AFAP1L1: variants seen among roughly 807,000 people sequenced by gnomAD.
AFAP1L1 encodes actin filament associated protein 1 like 1, also known as actin filament-associated protein 1-like 1.
AFAP1L1 carries 77 observed loss-of-function variants against 99.8 expected under a neutral mutation model. The observed-to-expected ratio is 0.77, with a 90% confidence interval of 0.64 to 0.93. The LOEUF is 0.93. AFAP1L1 is among the 40% of genes least tolerant of loss of function. The pLI is 0.00. For synonymous variants in AFAP1L1, 373 were observed against 395.3 expected (o/e 0.94, Z 0.67); for missense variants, 893 against 996.8 (o/e 0.90, Z 1.40).
At position 149,332,864 on chromosome 5, in the gene AFAP1L1, C is replaced by T. The variant is rs752049767; in HGVS notation, c.2145C>T (p.Pro715=). The T allele has an allele frequency of 1.9e-6, 3 of 1,594,164 alleles. No individual in the cohort carries two copies. The highest frequency in any genetic ancestry group is 3.6e-5 in the Admixed American group (2 of 55,784). ...TGGGGCTCTCCGTGAGCAGCAAGCC[C>T]AAGAGTGGGGTGAGTCCAGGCCCTT... is the stretch of plus-strand genomic sequence containing the variant. The part of the protein sequence containing the change: ...PALGLSVSSK[P]KSGETANKPQ... Residue 715 remains proline (P), a synonymous_variant, in exon 17 of 19, where the codon CCC becomes CCT. Coordinates refer to ENST00000296721, the MANE Select transcript of AFAP1L1 (RefSeq NM_152406.4).
At chr5:149,281,118 C>T (rs562799955) in intron 1 of AFAP1L1, among the ~76,000 whole-genome samples, 5 of 152,296 alleles carry the variant, frequency 3.3e-5, no homozygotes, top group East Asian at 1.9e-4. Context: ...TGATCATACA[C>T]GCTGTCACTT....
chr5:149,307,444 A>T lies in AFAP1L1; in HGVS notation c.578A>T (p.Asp193Val). 6.2e-7 allele frequency: 1 copy of T among 1,614,122 alleles called. No homozygotes were observed. Among genetic ancestry groups the T allele is most frequent in the Non-Finnish European group, 8.5e-7 (1 of 1,180,014 alleles). The part of the protein sequence containing the change: ...DAMSSSYESY[D>V]EEEEEGKSPQ... ...ATGAGCAGCTCCTATGAGTCCTACG[A>T]TGAAGAGGAGGAGGAAGGGAAGAGC... is the stretch of plus-strand genomic sequence containing the variant. Residue 193 changes from aspartate to valine, a missense_variant, in exon 7 of 19, where the codon GAT becomes GTT. Physicochemically the swap from Asp to Val is radical, Grantham distance 152. Coordinates refer to ENST00000296721, the MANE Select transcript of AFAP1L1 (RefSeq NM_152406.4).
rs981702571 is a variant in AFAP1L1, at chr5:149,320,918, G to A, written c.1698+455G>A. ...TCCATGTTTTGCTTGCTAAGCCAGGGAGATACCAGCTTACTGATTTACAGT... is the reference window on the plus strand; with the variant it reads ...TCCATGTTTTGCTTGCTAAGCCAGGAAGATACCAGCTTACTGATTTACAGT... On this transcript the variant is annotated intron_variant, in intron 14 of 18. Transcript: ENST00000296721. This position sits in a 1 kb window ranked among gnomAD's most constrained non-coding sequence, Gnocchi z 4.0. Among the ~76,000 whole-genome samples the A allele has an allele frequency of 1.3e-5, 2 of 152,236 alleles. No homozygotes were observed. Among genetic ancestry groups the A allele is most frequent in the African/African-American group, 4.8e-5 (2 of 41,456 alleles).
At chr5:149,336,809 C>A (rs1757419982) in intron 18 of AFAP1L1, among the ~76,000 whole-genome samples, 1 of 152,194 alleles carries the variant, frequency 6.6e-6, no homozygotes, top group Non-Finnish European at 1.5e-5. Flanking sequence ...CTGCACCTCT[C>A]AATACTGCCA....
At position 149,278,295 on chromosome 5, in the gene AFAP1L1, ACCT is replaced by A. The variant is rs1755402868; in HGVS notation, c.16+6315_16+6317del. On this transcript the variant is annotated intron_variant, in intron 1 of 18. Transcript: ENST00000296721. ...GCAACTCCTCTTGCACACTCCTTTC[ACCT>A]CCTGCAGCCTTGCTTCCAATCACAC... 4.0e-5 allele frequency among the ~76,000 whole-genome samples: 6 copies of A among 151,300 alleles called. No homozygotes were observed. The South Asian group carries it at 1.3e-3, about 32-fold the overall frequency.
chr5:149,332,797 T>C lies in AFAP1L1; in HGVS notation c.2078T>C (p.Val693Ala), dbSNP rs77253539. 6.2e-7 allele frequency: 1 copy of C among 1,613,236 alleles called. No individual in the cohort carries two copies. The highest frequency in any genetic ancestry group is 2.2e-5 in the East Asian group (1 of 44,882). Residue 693 changes from valine to alanine, a missense_variant, in exon 17 of 19, where the codon GTG (valine) becomes GCG (alanine). Transcript: ENST00000296721. ...RIDLELKLVA[V>A]KERLQQSLAG... The stretch of plus-strand genomic sequence containing the variant: ...GACCTGGAGCTGAAGCTGGTGGCTG[T>C]GAAGGAGCGCTTGCAGCAGTCCCTG...
At chr5:149,331,872 G>A (rs1757268330) in intron 16 of AFAP1L1, among the ~76,000 whole-genome samples, 1 of 152,028 alleles carries the variant, frequency 6.6e-6, no homozygotes, top group South Asian at 2.1e-4. Context: ...TTCTTCCCTT[G>A]TGATGCCACA....
Position 149,302,582 on chromosome 5 carries a change from T to C in AFAP1L1, c.436+56T>C. 4 of 1,432,776 alleles carry C rather than the reference T, an allele frequency of 2.8e-6. No homozygotes were observed. The South Asian group carries it at 3.7e-5, about 13-fold the overall frequency. 88.8% of individuals were successfully genotyped at this position (1,432,776 alleles called of 1,614,324 possible). ...GACTTCCTGTCCCTGAGAAGCCAAA[T>C]TTAAGTTCCTCTGTGTCCTGTGGGA... On this transcript the variant is annotated intron_variant, in intron 5 of 18. Transcript: ENST00000296721.
At chr5:149,284,855 TATCTC>T (rs1250567040) in intron 1 of AFAP1L1, among the ~76,000 whole-genome samples, 1 of 152,320 alleles carries the variant, frequency 6.6e-6, no homozygotes, top group South Asian at 2.1e-4. Flanking sequence ...GTAGGGCAAA[TATCTC>T]AGGTGAGCAG....
intron 1 of AFAP1L1, among the ~76,000 whole-genome samples, chr5:149,286,486 G>A (rs1301842390): frequency 6.6e-6 from 1 of 152,162 alleles, no homozygotes; most frequent in Non-Finnish European, 1.5e-5. Context: ...TCCTATTAGT[G>A]TAGCCTGTGG....
In AFAP1L1 at chr5:149,271,949, C is replaced by T. The variant is rs1581275457; in HGVS notation, c.-20C>T. ...GCCCCTGCGCCCTGCGGCCCGCTCC[C>T]CGGGGACCGGGCCGGCGCCATGGAC... On this transcript the variant is annotated 5_prime_UTR_variant, in exon 1 of 19. Coordinates refer to ENST00000296721, the MANE Select transcript of AFAP1L1 (RefSeq NM_152406.4). 1 of 1,231,426 alleles carries T rather than the reference C, an allele frequency of 8.1e-7. No individual in the cohort carries two copies. The highest frequency in any genetic ancestry group is 1.0e-6 in the Non-Finnish European group (1 of 986,136). 76.3% of individuals were successfully genotyped at this position (1,231,426 alleles called of 1,614,324 possible). A position where few individuals can be genotyped will look rare whatever the true frequency, so the allele number is the denominator to read the frequency against.
intron 15 of AFAP1L1, among the ~76,000 whole-genome samples, chr5:149,328,738 C>T (rs1458446754): frequency 6.6e-6 from 1 of 152,044 alleles, no homozygotes; most frequent in Non-Finnish European, 1.5e-5. Context: ...CGCTTGAACC[C>T]CAGAGGTGGA....
intron 2 of AFAP1L1, 76 bp downstream of exon 2, chr5:149,299,713 C>T (rs931433817): frequency 6.3e-7 from 1 of 1,593,168 alleles, no homozygotes. Context: ...GACTCAAGAA[C>T]ATGCAGGAAC....
chr5:149,282,655 A>G (rs964545745), intron 1 of AFAP1L1, among the ~76,000 whole-genome samples: 2 of 152,226 alleles, frequency 1.3e-5, no homozygotes, highest in African/African-American at 4.8e-5. Flanking sequence ...CTATAAGGAC[A>G]GAGTTGGGTA....
At chr5:149,294,986 G>A (rs1315094801) in intron 1 of AFAP1L1, among the ~76,000 whole-genome samples, 3 of 152,180 alleles carry the variant, frequency 2.0e-5, no homozygotes, top group African/African-American at 7.2e-5. Flanking sequence ...CCTTTGTAGG[G>A]CGCTGGAGGA....
rs1248321879 is a variant in AFAP1L1, at chr5:149,342,729, T to C, written c.*2699T>C. ...GAGTTCAAGACCAGCCTGGCCAACA[T>C]GGCAAAACCCCATCTCTATCAAAAA... On this transcript the variant is annotated 3_prime_UTR_variant, in exon 19 of 19. Transcript: ENST00000296721. Among the ~76,000 whole-genome samples the C allele has an allele frequency of 6.6e-6, 1 of 152,150 alleles. No homozygotes were observed. Among genetic ancestry groups the C allele is most frequent in the Non-Finnish European group, 1.5e-5 (1 of 68,028 alleles).
At position 149,340,344 on chromosome 5, in the gene AFAP1L1, G is replaced by A. The variant is rs1244917680; in HGVS notation, c.*314G>A. On this transcript the variant is annotated 3_prime_UTR_variant, in exon 19 of 19. Transcript: ENST00000296721. ...CCTTCCCTTCTGAGGAAGGGAAGAA[G>A]TAATGAAAGCACATGTGAATAACCC... The A allele has an allele frequency of 9.9e-6, 3 of 302,704 alleles. No individual in the cohort carries two copies. The highest frequency in any genetic ancestry group is 6.3e-5 in the South Asian group (1 of 15,806). 18.8% of individuals were successfully genotyped at this position (302,704 alleles called of 1,614,324 possible).
chr5:149,293,441 T>C (rs543850635), intron 1 of AFAP1L1, among the ~76,000 whole-genome samples: 9 of 152,364 alleles, frequency 5.9e-5, no homozygotes, highest in East Asian at 3.9e-4. Context: ...AAAATACTTT[T>C]TCCCCCAACT....
rs1214374381 is a variant in AFAP1L1, at chr5:149,302,505, C to T, written c.415C>T (p.Pro139Ser). 1.3e-6 allele frequency: 2 copies of T among 1,586,718 alleles called. No individual in the cohort carries two copies. The highest frequency in any genetic ancestry group is 2.3e-5 in the East Asian group (1 of 43,902). ...CCTTCCTCTGGGACCCGGCAAGTCG[C>T]CTGAGTACATCAGCTCCCACAGTAA... is the stretch of plus-strand genomic sequence containing the variant. ...EALPLGPGKSPEYISSHNGCS... is the reference protein window; with the variant it reads ...EALPLGPGKSSEYISSHNGCS... The change falls in exon 5 of 19, where the codon CCT (proline) becomes TCT (serine). Residue 139 changes from proline (P) to serine (S), a missense_variant. By Grantham distance (74) the Pro-to-Ser change is moderately conservative (BLOSUM62 -1). Coordinates refer to ENST00000296721, the MANE Select transcript of AFAP1L1 (RefSeq NM_152406.4).
Sources: gnomAD v4.1 joint callset for allele counts (sites outside exome capture counted in the v4.1 genomes callset) on GRCh38, gnomAD v4.1.1 for gene constraint, Gnocchi (gnomAD v3.1) non-coding constraint, MANE v1.5 for transcripts, NCBI Gene and HGNC (gene_info 2026-07-23, HGNC 2026-07-21) for gene names.